Variants in CTNNA2 observed in about 807,000 individuals in gnomAD.
CTNNA2 encodes the protein catenin alpha 2.
In CTNNA2, 42 loss-of-function variants were observed where a neutral mutation model predicts 101.0. The ratio of observed to expected loss-of-function variants is 0.42; its 90% CI spans 0.32 to 0.54. The LOEUF is 0.54. CTNNA2 is among the 20% of genes least tolerant of loss of function. The pLI, the probability that CTNNA2 is intolerant of heterozygous loss-of-function variation, is 0.14. For missense variants in CTNNA2, 871 were observed against 1,223.1 expected (o/e 0.71, Z 4.29); for synonymous variants, 450 against 456.4 (o/e 0.99, Z 0.18).
intron 7 of CTNNA2, among the ~76,000 whole-genome samples, chr2:80,126,503 C>G (rs2148886994): frequency 6.6e-6 from 1 of 151,920 alleles, no homozygotes; most frequent in East Asian, 1.9e-4. Flanking sequence ...CTCCCCTAAT[C>G]CCTCTCCCAA....
At chr2:79,753,671 A>C (rs1333667725) in intron 3 of CTNNA2, among the ~76,000 whole-genome samples, 1 of 152,148 alleles carries the variant, frequency 6.6e-6, no homozygotes, top group Non-Finnish European at 1.5e-5. Flanking sequence ...CTCAAAACTA[A>C]GGGGAATCTT....
chr2:79,982,472 T>TAC (rs60316453), intron 7 of CTNNA2, among the ~76,000 whole-genome samples: 8,103 of 139,634 alleles, frequency 0.058, 498 homozygotes, highest in African/African-American at 0.16. Flanking sequence ...GACTCCTAAC[T>TAC]ACACACACAC....
chr2:79,556,490 A>C (rs929458791), intron 1 of CTNNA2, among the ~76,000 whole-genome samples: 1 of 152,032 alleles, frequency 6.6e-6, no homozygotes, highest in African/African-American at 2.4e-5. Context: ...AACAAACATG[A>C]GATGATTCTG....
intron 1 of CTNNA2, among the ~76,000 whole-genome samples, chr2:79,579,270 C>T (rs995240540): frequency 2.7e-5 from 4 of 147,038 alleles, no homozygotes; most frequent in African/African-American, 1.0e-4. Context: ...TTCCTTCCTT[C>T]CTTCCTTCCT....
chr2:80,646,172 A>G (rs1674068429), intron 18 of CTNNA2, among the ~76,000 whole-genome samples: 1 of 152,102 alleles, frequency 6.6e-6, no homozygotes, highest in Admixed American at 6.6e-5. Context: ...CATAAGATCT[A>G]CAGTCTCTCA....
intron 3 of CTNNA2, among the ~76,000 whole-genome samples, chr2:79,329,828 A>C (rs543226120): frequency 2.0e-5 from 3 of 152,324 alleles, no homozygotes; most frequent in Admixed American, 6.5e-5. Context: ...ATGAGTCCAC[A>C]ATCTGGCTAC....
At chr2:80,210,332 T>C (rs749872178) in intron 7 of CTNNA2, among the ~76,000 whole-genome samples, 29 of 152,196 alleles carry the variant, frequency 1.9e-4, no homozygotes, top group Non-Finnish European at 3.8e-4. Context: ...TCATTTATAT[T>C]AGGTATATCG....
intron 3 of CTNNA2, among the ~76,000 whole-genome samples, chr2:79,798,773 G>C (rs768241934): frequency 7.2e-5 from 11 of 152,198 alleles, no homozygotes; most frequent in Non-Finnish European, 1.0e-4. Flanking sequence ...CTGAAAGACA[G>C]GGATTTTGAA....
At chr2:79,742,749 G>T (rs13404447) in intron 2 of CTNNA2, among the ~76,000 whole-genome samples, 5,562 of 152,130 alleles carry the variant, frequency 0.037, 298 homozygotes, top group African/African-American at 0.11. Context: ...TATTCTTATA[G>T]TTAATGATTT....
intron 3 of CTNNA2, among the ~76,000 whole-genome samples, chr2:79,749,755 A>G (rs1056204189): frequency 6.6e-6 from 1 of 152,186 alleles, no homozygotes; most frequent in African/African-American, 2.4e-5. Context: ...CAGTTTCTCC[A>G]TTTTACAAAT....
At chr2:80,265,254 C>T (rs887758188) in intron 7 of CTNNA2, among the ~76,000 whole-genome samples, 1 of 152,064 alleles carries the variant, frequency 6.6e-6, no homozygotes, top group East Asian at 1.9e-4. Context: ...GAATTACAGG[C>T]GTGAGCCACT....
At chr2:80,266,657 TA>T (rs1673025006) in intron 7 of CTNNA2, among the ~76,000 whole-genome samples, 1 of 152,240 alleles carries the variant, frequency 6.6e-6, no homozygotes, top group Non-Finnish European at 1.5e-5. Flanking sequence ...TGTGCAGTAT[TA>T]AAAAAGATAA....
At chr2:79,219,491 C>T (rs1209808658) in intron 2 of CTNNA2, among the ~76,000 whole-genome samples, 1 of 152,070 alleles carries the variant, frequency 6.6e-6, no homozygotes, top group East Asian at 1.9e-4. Flanking sequence ...ATTTAAATAG[C>T]CATATGTGGC....
rs542229770 is a variant in CTNNA2, at chr2:80,061,104, A to G, written c.1056+151307A>G. ...TCAAAGCGTCCTCCCCAGCATGTAA[A>G]CCTCTATTTCAGAGTATGTTTCCCA... On this transcript the variant is annotated intron_variant, in intron 7 of 18. Transcript: ENST00000402739. Among the ~76,000 whole-genome samples, 4 of 152,158 alleles carry G rather than the reference A, an allele frequency of 2.6e-5. No homozygotes were observed. The South Asian group carries it at 8.3e-4, about 32-fold the overall frequency.
In CTNNA2 at chr2:80,230,264, T is replaced by TG. The variant is rs1458664960; in HGVS notation, c.1057-162947_1057-162946insG. 7.1e-5 allele frequency among the ~76,000 whole-genome samples: 9 copies of TG among 126,702 alleles called. No homozygotes were observed. In the East Asian group the frequency reaches 9.0e-4, roughly 13 times the overall value. 83.1% of individuals were successfully genotyped at this position (126,702 alleles called of 152,430 possible). On this transcript the variant is annotated intron_variant, in intron 7 of 18. Coordinates refer to ENST00000402739, the MANE Select transcript of CTNNA2 (RefSeq NM_001282597.3). ...TCTCTCTCTTTTTTTTTCTTTGTTT[T>TG]TTTTTTTTTTTTTAAGAGATAGAGT...
chr2:79,208,877 C>G (rs1404597052), intron 2 of CTNNA2, among the ~76,000 whole-genome samples: 1 of 152,124 alleles, frequency 6.6e-6, no homozygotes, highest in East Asian at 1.9e-4. Flanking sequence ...CTCTTGTTTC[C>G]TTCTTTGACA....
chr2:80,608,129 T>A lies in CTNNA2; in HGVS notation c.2296-55T>A. ...CTTCCTGCAGCTTTTCTATAACAAA[T>A]GTTAGAAACTGAAGAGTACTTACTA... On this transcript the variant is annotated intron_variant, in intron 16 of 18. Transcript: ENST00000402739. 3.3e-6 allele frequency: 5 copies of A among 1,510,264 alleles called. No homozygotes were observed. The South Asian group carries it at 5.2e-5, about 16-fold the overall frequency. The allele number at this position is 1,510,264 out of a possible 1,614,324, so 93.6% of individuals were successfully genotyped here.
chr2:79,242,803 A>G (rs994849535), intron 2 of CTNNA2, among the ~76,000 whole-genome samples: 1 of 151,888 alleles, frequency 6.6e-6, no homozygotes, highest in Admixed American at 6.6e-5. Flanking sequence ...CTCCATCTCT[A>G]CAAAAAGTAA....
At chr2:79,547,073 T>G (rs1300718165) in intron 1 of CTNNA2, 1 of 151,994 alleles carries the variant, frequency 6.6e-6, no homozygotes, top group Non-Finnish European at 1.5e-5. Flanking sequence ...GTGCTTGTGT[T>G]TCTTTAGGAC....
Sources: allele counts gnomAD v4.1 joint callset (sites outside exome capture counted in the v4.1 genomes callset), GRCh38; gene constraint gnomAD v4.1.1; transcripts MANE v1.5; gene names NCBI Gene and HGNC (gene_info 2026-07-23, HGNC 2026-07-21).